Variants in SLC5A11 observed in about 807,000 individuals in gnomAD.
The protein encoded by SLC5A11 is sodium/myo-inositol cotransporter 2.
A neutral mutation model predicts 69.8 loss-of-function variants in SLC5A11; 48 were observed. The ratio of observed to expected loss-of-function variants is 0.69; its 90% CI spans 0.55 to 0.87. The LOEUF is 0.87. Among genes scored for constraint, SLC5A11 ranks in the 40% least tolerant of loss-of-function variants. SLC5A11 has a pLI of 0.00. For missense variants in SLC5A11, 784 were observed against 866.1 expected, an observed-to-expected ratio of 0.91 and a Z score of 1.19; for synonymous variants, 319 against 342.4, an observed-to-expected ratio of 0.93 and a Z score of 0.75.
chr16:24,904,337 A>C (rs769004716), intron 10 of SLC5A11, among the ~76,000 whole-genome samples: 2 of 152,210 alleles, frequency 1.3e-5, no homozygotes, highest in African/African-American at 2.4e-5. Flanking sequence ...ATAGTTTTCC[A>C]TACTAGCTGT....
intron 8 of SLC5A11, among the ~76,000 whole-genome samples, chr16:24,885,589 G>A (rs12925431): frequency 0.38 from 57,164 of 149,252 alleles, 12,100 homozygotes; most frequent in Non-Finnish European, 0.48. Context: ...TTGAGTCTGC[G>A]GTGAGCTGAG....
rs868833788 is a variant in SLC5A11, at chr16:24,848,955, G to C, written c.-25+2517G>C. On this transcript the variant is annotated intron_variant, in intron 1 of 15. Transcript: ENST00000347898. Reference sequence around the variant, plus strand: ...AAAATGTGTGGATTTATTATGTTTTGGAAGTAAGAGAGAATGGAATTGGGA... The same window carrying C: ...AAAATGTGTGGATTTATTATGTTTTCGAAGTAAGAGAGAATGGAATTGGGA... Among the ~76,000 whole-genome samples the C allele has an allele frequency of 1.5e-4, 23 of 152,166 alleles. 1 individual carries two copies. The highest frequency in any genetic ancestry group is 3.4e-3 in the Middle Eastern group (1 of 294).
chr16:24,862,743 T>C, intron 3 of SLC5A11, 71 bp downstream of exon 4: 2 of 1,422,130 alleles, frequency 1.4e-6, no homozygotes, highest in Non-Finnish European at 2.0e-6. Context: ...TGTCCAGCCT[T>C]TGATATCTCA....
chr16:24,851,958 A>G (rs1330277647), intron 1 of SLC5A11, among the ~76,000 whole-genome samples: 1 of 148,344 alleles, frequency 6.7e-6, no homozygotes, highest in African/African-American at 2.5e-5. Context: ...AGAGCAGGGA[A>G]CTTCCCTTGC....
intron 3 of SLC5A11, among the ~76,000 whole-genome samples, chr16:24,864,729 A>C (rs2046814204): frequency 6.6e-6 from 1 of 152,230 alleles, no homozygotes; most frequent in African/African-American, 2.4e-5. Flanking sequence ...CAAAAAACAC[A>C]CAAAAAAGCC....
chr16:24,849,593 A>AAAAAAAAAAAAAAAATAT, intron 1 of SLC5A11, among the ~76,000 whole-genome samples: 2 of 35,908 alleles, frequency 5.6e-5, no homozygotes, highest in East Asian at 7.1e-4. Context: ...AAAAAAAAAA[A>AAAAAAAAAAAAAAAATAT]ATATATATAT....
exon 2 of SLC5A11, chr16:24,858,642 C>T (rs775727282): frequency 1.2e-6 from 2 of 1,608,676 alleles, no homozygotes; most frequent in Non-Finnish European, 1.7e-6. Flanking sequence ...TCGTTCAGGA[C>T]CATGGAGAGC....
intron 8 of SLC5A11, among the ~76,000 whole-genome samples, chr16:24,889,533 A>T (rs2048627521): frequency 6.8e-6 from 1 of 146,850 alleles, no homozygotes; most frequent in Admixed American, 7.0e-5. Context: ...ACCTACTACA[A>T]GGTCTTACAA....
At chr16:24,870,511 G>T (rs1301457197) in intron 4 of SLC5A11, among the ~76,000 whole-genome samples, 1 of 151,282 alleles carries the variant, frequency 6.6e-6, no homozygotes, top group Admixed American at 6.6e-5. Context: ...TGGGCGCGAT[G>T]GCTCAGGCCT....
At chr16:24,906,729 C>A in exon 11 of SLC5A11, 1 of 1,613,476 alleles carries the variant, frequency 6.2e-7, no homozygotes, top group Non-Finnish European at 8.5e-7. Context: ...TCGGACATCG[C>A]GTATCCCAAA....
chr16:24,860,184 G>A (rs2059704309), intron 2 of SLC5A11, among the ~76,000 whole-genome samples: 1 of 152,188 alleles, frequency 6.6e-6, no homozygotes, highest in Non-Finnish European at 1.5e-5. Context: ...CTACTTGGGA[G>A]GCTGAGGCAG....
Position 24,877,239 on chromosome 16 carries a change from C to T in SLC5A11, c.478-19C>T. ...TTCATTCGTTCATTTGTTCATCCATCAACCTCCTTTCTTCACAGGTAGACA... is the reference window on the plus strand; with the variant it reads ...TTCATTCGTTCATTTGTTCATCCATTAACCTCCTTTCTTCACAGGTAGACA... On this transcript the variant is annotated intron_variant, in intron 6 of 15. Coordinates refer to ENST00000347898, the Ensembl canonical transcript of SLC5A11. The T allele has an allele frequency of 6.2e-7, 1 of 1,611,752 alleles. No homozygotes were observed. The highest frequency in any genetic ancestry group is 8.5e-7 in the Non-Finnish European group (1 of 1,178,492).
At chr16:24,859,875 C>T (rs1010658097) in intron 2 of SLC5A11, among the ~76,000 whole-genome samples, 7 of 152,174 alleles carry the variant, frequency 4.6e-5, no homozygotes, top group South Asian at 2.1e-4. Flanking sequence ...CCTGGCCCAG[C>T]GCAGTGGCTC....
chr16:24,851,801 A>G (rs1456213746), intron 1 of SLC5A11, among the ~76,000 whole-genome samples: 1 of 152,158 alleles, frequency 6.6e-6, no homozygotes, highest in East Asian at 1.9e-4. Context: ...ACGATGAAGG[A>G]GCTCACAGGA....
In SLC5A11 at chr16:24,868,189, A is replaced by G. The variant is rs548178084; in HGVS notation, c.208-1712A>G. On this transcript the variant is annotated intron_variant, in intron 3 of 15. Transcript: ENST00000347898. ...AATTAGTAATCACAAAACTTCTCAC[A>G]AAGAAAAAGACCAAGCACCAAGGAT... Among the ~76,000 whole-genome samples the G allele has an allele frequency of 5.3e-5, 8 of 151,848 alleles. No individual in the cohort carries two copies. In the East Asian group the frequency reaches 1.4e-3, roughly 26 times the overall value.
chr16:24,877,878 G>T (rs1424978023), intron 7 of SLC5A11, among the ~76,000 whole-genome samples: 1 of 152,264 alleles, frequency 6.6e-6, no homozygotes, highest in African/African-American at 2.4e-5. Flanking sequence ...CAGCTACTCA[G>T]GAGGCCGAGG....
At chr16:24,874,946 G>A (rs2047570627) in intron 5 of SLC5A11, among the ~76,000 whole-genome samples, 1 of 152,026 alleles carries the variant, frequency 6.6e-6, no homozygotes, top group South Asian at 2.1e-4. Context: ...TCCTCTTTGA[G>A]GAAGTAACTT....
chr16:24,849,564 C>A lies in SLC5A11; in HGVS notation c.-25+3126C>A, dbSNP rs557187694. Among the ~76,000 whole-genome samples, 214 of 68,488 alleles carry A rather than the reference C, an allele frequency of 3.1e-3. 1 individual carries two copies. The highest frequency in any genetic ancestry group is 0.014 in the African/African-American group (209 of 15,142). The allele number at this position is 68,488 out of a possible 152,430, so 44.9% of individuals were successfully genotyped here. A position where few individuals can be genotyped will look rare whatever the true frequency, so the allele number is the denominator to read the frequency against. On this transcript the variant is annotated intron_variant, in intron 1 of 15. Coordinates refer to ENST00000347898, the Ensembl canonical transcript of SLC5A11. ...CCTGGGTAACAGAGCGAGACTCTGCCTTGGGGGCAAAAAAAAAAAAAAAAA... is the reference window on the plus strand; with the variant it reads ...CCTGGGTAACAGAGCGAGACTCTGCATTGGGGGCAAAAAAAAAAAAAAAAA...
At chr16:24,886,476 G>A (rs1270124065) in intron 8 of SLC5A11, among the ~76,000 whole-genome samples, 1 of 152,016 alleles carries the variant, frequency 6.6e-6, no homozygotes, top group Non-Finnish European at 1.5e-5. Flanking sequence ...TTCTGTTTTT[G>A]CTTTTTGAGA....
Sources: allele counts gnomAD v4.1 joint callset (sites outside exome capture counted in the v4.1 genomes callset), GRCh38; gene constraint gnomAD v4.1.1; transcripts MANE v1.5; gene names NCBI Gene and HGNC (gene_info 2026-07-23, HGNC 2026-07-21).